PLEC: variants seen among roughly 807,000 people sequenced by gnomAD.
PLEC encodes plectin.
PLEC carries 216 observed loss-of-function variants against 392.8 expected under a neutral mutation model. The ratio of observed to expected loss-of-function variants is 0.55; its 90% CI spans 0.49 to 0.62. The LOEUF (loss-of-function observed/expected upper bound fraction) is 0.62, where lower values mean the gene tolerates loss of function less well. PLEC is among the 20% of genes least tolerant of loss of function. PLEC has a pLI of 0.00. For synonymous variants in PLEC, 3,621 were observed against 2,980.6 expected, an observed-to-expected ratio of 1.21 and a Z score of -7.00; for missense variants, 6,863 against 6,563.4, an observed-to-expected ratio of 1.05 and a Z score of -1.58.
chr8:143,927,622 C>T lies in PLEC; in HGVS notation c.3544G>A (p.Ala1182Thr), dbSNP rs1398429578. The T allele has an allele frequency of 6.3e-6, 10 of 1,583,508 alleles. No homozygotes were observed. In the African/African-American group the frequency reaches 8.0e-5, roughly 13 times the overall value. Residue 1182 changes from alanine (A) to threonine (T), a missense_variant, in exon 27 of 32, where the codon GCC (alanine) becomes ACC (threonine). By Grantham distance (58) the Ala-to-Thr change is moderately conservative. Transcript: ENST00000345136. ...GCCTGCCAGCGCTCAAGCAACTGGG[C>T]GACCCGCTCCCGCCAGCGCTCCACC... ...VEVERWRERV[A>T]QLLERWQAVL...
At position 143,920,574 on chromosome 8, in the gene PLEC, G is replaced by A. The variant is rs201455467; in HGVS notation, c.9247C>T (p.Arg3083Cys). The A allele has an allele frequency of 5.6e-5, 90 of 1,610,914 alleles. No homozygotes were observed. Among genetic ancestry groups the A allele is most frequent in the Admixed American group, 3.7e-4 (22 of 60,016 alleles). Residue 3083 changes from arginine (R) to cysteine (C), a missense_variant, in exon 32 of 32, where the codon CGT becomes TGT. By Grantham distance (180) the Arg-to-Cys change is radical. Transcript: ENST00000345136. ...SARLTVDEAV[R>C]AGLVGPEFHE... is the part of the protein sequence containing the mutation. The stretch of plus-strand genomic sequence containing the variant: ...AACTCGGGGCCCACCAGGCCAGCAC[G>A]CACTGCCTCGTCCACGGTCAGCCGG...
intron 1 of PLEC, among the ~76,000 whole-genome samples, chr8:143,946,025 T>G (rs1174200291): frequency 6.6e-6 from 1 of 152,230 alleles, no homozygotes; most frequent in Non-Finnish European, 1.5e-5. Flanking sequence ...GGCCGGACGT[T>G]TCAGCCCACT....
chr8:143,946,227 G>A, intron 1 of PLEC: 1 of 640,146 alleles, frequency 1.6e-6, no homozygotes, highest in South Asian at 1.7e-5. Flanking sequence ...AGGGGGCTGT[G>A]CCTATCCCTG....
chr8:143,922,477 G>T, intron 31 of PLEC, 27 bp downstream of exon 31: 2 of 1,602,478 alleles, frequency 1.2e-6, no homozygotes, highest in African/African-American at 1.3e-5. Flanking sequence ...GGGCCCACCC[G>T]CCCGTCGCAC....
Position 143,927,530 on chromosome 8 carries a change from G to A in PLEC, c.3636C>T (p.Tyr1212=). 2 of 1,597,342 alleles carry A rather than the reference G, an allele frequency of 1.3e-6. No individual in the cohort carries two copies. Among genetic ancestry groups the A allele is most frequent in the Non-Finnish European group, 1.7e-6 (2 of 1,178,962 alleles). ...CGCCCAAGGGGTCTGCACTCTCGCG[G>A]TAGTAACGCAGCTGGCGGCCCAGTT... ...LEQLGRQLRY[Y]RESADPLGAW... The change falls in exon 27 of 32, where the codon TAC becomes TAT. Residue 1212 remains tyrosine (Y), a synonymous_variant. Coordinates refer to ENST00000345136, the MANE Select transcript of PLEC (RefSeq NM_201384.3).
upstream of PLEC, among the ~76,000 whole-genome samples, chr8:143,956,008 T>C (rs1166438550): frequency 1.3e-5 from 2 of 149,090 alleles, no homozygotes; most frequent in South Asian, 2.1e-4. Flanking sequence ...TGGAGTGCAA[T>C]GGTGTGATCT....
chr8:143,962,049 T>C (rs1554741033), intron 1 of PLEC, among the ~76,000 whole-genome samples: 1 of 152,198 alleles, frequency 6.6e-6, no homozygotes, highest in Non-Finnish European at 1.5e-5. Flanking sequence ...AACCAACTAC[T>C]GCAGGATGGC....
rs1367074949 is a variant in PLEC, at chr8:143,922,746, C to A, written c.7183G>T (p.Ala2395Ser). The change falls in exon 31 of 32, where the codon GCC becomes TCC. Residue 2395 changes from alanine (A) to serine (S), a missense_variant. Transcript: ENST00000345136. ...GCGTCCTCCTCAGCGCGGGCCTGGG[C>A]TCGGCTCATCTCGGCCACACGCAGC... is the stretch of plus-strand genomic sequence containing the variant. ...LKLRVAEMSR[A>S]QARAEEDAQR... is the part of the protein sequence containing the mutation. 4 of 1,609,362 alleles carry A rather than the reference C, an allele frequency of 2.5e-6. No individual in the cohort carries two copies. Among genetic ancestry groups the A allele is most frequent in the Admixed American group, 1.7e-5 (1 of 59,864 alleles).
Position 143,929,654 on chromosome 8 carries a change from A to G in PLEC, c.2915T>C (p.Leu972Pro). 6.2e-7 allele frequency: 1 copy of G among 1,604,456 alleles called. No homozygotes were observed. The change falls in exon 23 of 32, where the codon CTG becomes CCG. Residue 972 changes from leucine to proline, a missense_variant. By Grantham distance (98) the Leu-to-Pro change is moderately conservative (BLOSUM62 -3). Coordinates refer to ENST00000345136, the MANE Select transcript of PLEC (RefSeq NM_201384.3). The part of the protein sequence containing the change: ...SHHYQQLLQS[L>P]EQGAQEESRC... ...GCCCTGCCGTGCCCTACCCTGTTCC[A>G]GGCTCTGCAGCAGCTGCTGGTAGTG...
At position 143,921,279 on chromosome 8, in the gene PLEC, C is replaced by T. The variant is rs781793289; in HGVS notation, c.8542G>A (p.Asp2848Asn). 43 of 1,613,940 alleles carry T rather than the reference C, an allele frequency of 2.7e-5. No homozygotes were observed. The highest frequency in any genetic ancestry group is 1.6e-4 in the Middle Eastern group (1 of 6,084). The change falls in exon 32 of 32, where the codon GAC becomes AAC. Residue 2848 changes from aspartate (D) to asparagine (N), a missense_variant. Asp to Asn is a conservative substitution (Grantham distance 23). Transcript: ENST00000345136. ...EMNRVLADPS[D>N]DTKGFFDPNT... ...GGGTCAAAGAAGCCCTTGGTGTCGT[C>T]GCTGGGGTCCGCCAGGACGCGGTTC...
Position 143,923,593 on chromosome 8 carries a change from T to G in PLEC, c.6336A>C (p.Glu2112Asp), listed in dbSNP as rs782551254. ...REAAQSRRQV[E>D]EAERLKQSAE... ...CCGACTGCTTCAGCCGCTCGGCCTCTTCCACCTGCCGCCGGGACTGCGCCG... is the reference window on the plus strand; with the variant it reads ...CCGACTGCTTCAGCCGCTCGGCCTCGTCCACCTGCCGCCGGGACTGCGCCG... The change falls in exon 31 of 32, where the codon GAA (glutamate) becomes GAC (aspartate). Residue 2112 changes from glutamate (E) to aspartate (D), a missense_variant. By Grantham distance (45) the Glu-to-Asp change is conservative. Coordinates refer to ENST00000345136, the MANE Select transcript of PLEC (RefSeq NM_201384.3). 6.3e-7 allele frequency: 1 copy of G among 1,594,262 alleles called. No homozygotes were observed. Among genetic ancestry groups the G allele is most frequent in the South Asian group, 1.1e-5 (1 of 90,682 alleles).
intron 1 of PLEC, among the ~76,000 whole-genome samples, chr8:143,967,308 A>T (rs1833151421): frequency 7.3e-6 from 1 of 137,896 alleles, no homozygotes; most frequent in Non-Finnish European, 1.5e-5. Flanking sequence ...GGTTGCAGTG[A>T]GCCGAGATCG....
At chr8:143,951,377 G>T (rs147368495), upstream of PLEC, among the ~76,000 whole-genome samples, 385 of 152,260 alleles carry the variant, frequency 2.5e-3, 1 homozygote, top group Non-Finnish European at 4.5e-3. Context: ...GGGGTCTTGC[G>T]GGAGGAAGTC....
rs782141346 is a variant in PLEC at position 143,932,890 on chromosome 8, T to A, written c.1640A>T (p.Asp547Val). Residue 547 changes from aspartate (D) to valine (V), a missense_variant, in exon 14 of 32, where the codon GAC (aspartate) becomes GTC (valine). Transcript: ENST00000345136. The stretch of plus-strand genomic sequence containing the variant: ...CAGCTGCGCCTCCACGCTGGGCAGG[T>A]CCACACCCCACTCAGCGCCATCCAC... Reference protein sequence around the residue: ...HRVDGAEWGVDLPSVEAQLGS... With the variant: ...HRVDGAEWGVVLPSVEAQLGS... 1.9e-6 allele frequency: 3 copies of A among 1,612,288 alleles called. No homozygotes were observed. Among genetic ancestry groups the A allele is most frequent in the South Asian group, 2.2e-5 (2 of 91,066 alleles).
chr8:143,929,033 A>G lies in PLEC; in HGVS notation c.3260+70T>C. 4 of 1,399,030 alleles carry G rather than the reference A, an allele frequency of 2.9e-6. No homozygotes were observed. In the South Asian group the frequency reaches 4.9e-5, roughly 17 times the overall value. The allele number at this position is 1,399,030 out of a possible 1,614,324, so 86.7% of individuals were successfully genotyped here. A position where few individuals can be genotyped will look rare whatever the true frequency, so the allele number is the denominator to read the frequency against. On this transcript the variant is annotated intron_variant, in intron 25 of 31. Coordinates refer to ENST00000345136, the MANE Select transcript of PLEC (RefSeq NM_201384.3). ...CTCGTTCCCTCCTGCACCCTCCTGC[A>G]AGGTCACAGCCCTCACCCCAGCACC...
In PLEC at chr8:143,929,146, T is replaced by C; in HGVS notation, c.3217A>G (p.Lys1073Glu). 1 of 1,590,866 alleles carries C rather than the reference T, an allele frequency of 6.3e-7. No homozygotes were observed. The highest frequency in any genetic ancestry group is 8.5e-7 in the Non-Finnish European group (1 of 1,170,104). Residue 1073 changes from lysine (K) to glutamate (E), a missense_variant, in exon 25 of 32, where the codon AAG (lysine) becomes GAG (glutamate). Transcript: ENST00000345136. Reference protein sequence around the residue: ...LRSELELTLGKLEQVRSLSAI... With the variant: ...LRSELELTLGELEQVRSLSAI... ...GACAGGCTGCGGACCTGCTCCAGCT[T>C]GCCCAGCGTCAGCTCCAGCTCCGAG... is the stretch of plus-strand genomic sequence containing the variant.
upstream of PLEC, among the ~76,000 whole-genome samples, chr8:143,954,493 C>G (rs958432893): frequency 1.5e-4 from 23 of 152,236 alleles, no homozygotes; most frequent in African/African-American, 5.5e-4. The surrounding 1 kb of genome is among the most constrained non-coding windows in gnomAD (Gnocchi z 4.6). Context: ...GCCCCCCAGT[C>G]TGCCCACTCG....
Position 143,920,989 on chromosome 8 carries a change from C to G in PLEC, c.8832G>C (p.Gln2944His). The G allele has an allele frequency of 6.2e-7, 1 of 1,613,156 alleles. No individual in the cohort carries two copies. Among genetic ancestry groups the G allele is most frequent in the South Asian group, 1.1e-5 (1 of 91,088 alleles). ...CCACTGTGATCCGGCCCGTGCGGAA[C>G]TGCCGCAGCAGGTCCCGCCGCTGCT... ...TAEQRRDLLR[Q>H]FRTGRITVEK... is the part of the protein sequence containing the mutation. The change falls in exon 32 of 32, where the codon CAG becomes CAC. Residue 2944 changes from glutamine (Q) to histidine (H), a missense_variant. Coordinates refer to ENST00000345136, the MANE Select transcript of PLEC (RefSeq NM_201384.3).
intron 19 of PLEC, 82 bp downstream of exon 19, chr8:143,931,452 C>T (rs1385136161): frequency 1.4e-6 from 2 of 1,479,332 alleles, no homozygotes; most frequent in East Asian, 2.5e-5. Context: ...CCTCCAGTTG[C>T]CCCCTAGTCT....
Sources: allele counts gnomAD v4.1 joint callset (sites outside exome capture counted in the v4.1 genomes callset), GRCh38; gene constraint gnomAD v4.1.1; non-coding constraint Gnocchi (gnomAD v3.1); transcripts MANE v1.5; gene names NCBI Gene and HGNC (gene_info 2026-07-23, HGNC 2026-07-21).